The following NETO1 variants were observed in gnomAD, a reference collection of about 807,000 sequenced individuals.
NETO1 encodes the protein neuropilin and tolloid-like protein 1.
In NETO1, 26 loss-of-function variants were observed where a neutral mutation model predicts 61.3. That is an observed-to-expected ratio of 0.42 (90% confidence interval 0.31 to 0.59). The LOEUF is 0.59. Among genes scored for constraint, NETO1 ranks in the 20% least tolerant of loss-of-function variants. The probability of loss-of-function intolerance (pLI) is 0.12; values close to 1 mark genes in which losing one functional copy is unlikely to be tolerated. For missense variants in NETO1, 531 were observed against 662.8 expected, an observed-to-expected ratio of 0.80 and a Z score of 2.18; for synonymous variants, 225 against 225.8, an observed-to-expected ratio of 1.00 and a Z score of 0.03.
At chr18:72,797,445 A>T (rs2072355074) in intron 4 of NETO1, among the ~76,000 whole-genome samples, 1 of 152,228 alleles carries the variant, frequency 6.6e-6, no homozygotes, top group South Asian at 2.1e-4. Flanking sequence ...CTGCAAAAAC[A>T]AACAAATAAA....
Position 72,816,108 on chromosome 18 carries a change from C to A in NETO1, c.470-21704G>T, listed in dbSNP as rs1191468177. Among the ~76,000 whole-genome samples the A allele has an allele frequency of 9.2e-5, 14 of 151,934 alleles. 1 individual carries two copies. The highest frequency in any genetic ancestry group is 9.2e-4 in the Admixed American group (14 of 15,248). The stretch of plus-strand genomic sequence containing the variant: ...TTCTCTCCCCCTCTCCTCCACCCCT[C>A]CCCCTGCAATTCTCTATCTCTCCAG... On this transcript the variant is annotated intron_variant, in intron 4 of 10. Coordinates refer to ENST00000327305, the MANE Select transcript of NETO1 (RefSeq NM_138966.5).
chr18:72,838,879 C>G (rs1056302612), intron 4 of NETO1, among the ~76,000 whole-genome samples: 1 of 152,110 alleles, frequency 6.6e-6, no homozygotes, highest in Admixed American at 6.6e-5. Context: ...ACCTATTTCT[C>G]TCAACCGTAA....
chr18:72,775,690 T>C (rs2071523648), intron 7 of NETO1, among the ~76,000 whole-genome samples: 1 of 152,190 alleles, frequency 6.6e-6, no homozygotes, highest in Non-Finnish European at 1.5e-5. Context: ...CTTTAGAGCA[T>C]TCGAGCTCTG....
At chr18:72,766,671 C>T (rs1033328044) in intron 7 of NETO1, among the ~76,000 whole-genome samples, 3 of 152,132 alleles carry the variant, frequency 2.0e-5, no homozygotes, top group African/African-American at 7.2e-5. Flanking sequence ...TGATCTCACA[C>T]ATATTTATGA....
chr18:72,816,601 C>T (rs781458934), intron 4 of NETO1, among the ~76,000 whole-genome samples: 1 of 152,116 alleles, frequency 6.6e-6, no homozygotes, highest in Non-Finnish European at 1.5e-5. Context: ...GAGAACCTCT[C>T]CAGGCAGCAG....
At chr18:72,759,157 C>T (rs947497447) in intron 7 of NETO1, among the ~76,000 whole-genome samples, 1 of 152,160 alleles carries the variant, frequency 6.6e-6, no homozygotes, top group African/African-American at 2.4e-5. Flanking sequence ...TCCTAGCACA[C>T]TCCTGACCTA....
chr18:72,751,441 C>G (rs1308717725), intron 8 of NETO1, among the ~76,000 whole-genome samples: 1 of 152,156 alleles, frequency 6.6e-6, no homozygotes, highest in Non-Finnish European at 1.5e-5. Context: ...CCCTGCAGCT[C>G]CCAGTTAAGT....
At chr18:72,755,426 C>A (rs1056755734) in intron 8 of NETO1, among the ~76,000 whole-genome samples, 7 of 152,110 alleles carry the variant, frequency 4.6e-5, no homozygotes, top group African/African-American at 1.7e-4. Flanking sequence ...AAATACTTCA[C>A]ATGGCAGTTT....
chr18:72,768,987 T>G (rs1599129553), intron 7 of NETO1, among the ~76,000 whole-genome samples: 1 of 152,202 alleles, frequency 6.6e-6, no homozygotes, highest in African/African-American at 2.4e-5. Context: ...AATCTGACTT[T>G]GACTAACCAG....
intron 4 of NETO1, among the ~76,000 whole-genome samples, chr18:72,841,421 C>T (rs2073926652): frequency 9.5e-5 from 1 of 10,488 alleles, no homozygotes; most frequent in Admixed American, 7.4e-4. Flanking sequence ...GAGCAATTGG[C>T]AGAGAAATCA....
intron 7 of NETO1, among the ~76,000 whole-genome samples, chr18:72,758,211 T>C (rs1441797286): frequency 6.6e-6 from 1 of 152,164 alleles, no homozygotes; most frequent in East Asian, 1.9e-4. Context: ...TGTGAAACTA[T>C]CAATGTTCCA....
intron 7 of NETO1, among the ~76,000 whole-genome samples, chr18:72,767,544 A>T (rs2145160784): frequency 6.6e-6 from 1 of 152,362 alleles, no homozygotes; most frequent in Non-Finnish European, 1.5e-5. Flanking sequence ...TAAGAAAATT[A>T]ACTTTAAATT....
intron 4 of NETO1, among the ~76,000 whole-genome samples, chr18:72,808,202 CT>C (rs2072742209): frequency 6.6e-6 from 1 of 152,202 alleles, no homozygotes; most frequent in African/African-American, 2.4e-5. Context: ...ACAGAAGGTT[CT>C]GGAGCTGATG....
intron 7 of NETO1, among the ~76,000 whole-genome samples, chr18:72,771,254 T>A: frequency 6.6e-6 from 1 of 152,176 alleles, no homozygotes; most frequent in Non-Finnish European, 1.5e-5. Flanking sequence ...ATAAAATCAA[T>A]CACTGTGTCA....
Position 72,750,872 on chromosome 18 carries a change from TACACACACAC to T in NETO1, c.983-262_983-253del, listed in dbSNP as rs142668353. ...CATTGCCCAGCATCTCAGCTTAAAA[TACACACACAC>T]ACACACACACACACACACACACACA... On this transcript the variant is annotated intron_variant, in intron 8 of 10. Coordinates refer to ENST00000327305, the MANE Select transcript of NETO1 (RefSeq NM_138966.5). Among the ~76,000 whole-genome samples the T allele has an allele frequency of 4.6e-3, 541 of 118,760 alleles. 1 individual carries two copies. The highest frequency in any genetic ancestry group is 0.016 in the African/African-American group (479 of 30,088). The allele number at this position is 118,760 out of a possible 152,430, so 77.9% of individuals were successfully genotyped here.
chr18:72,847,793 T>C (rs8097592), intron 4 of NETO1, among the ~76,000 whole-genome samples: 6,773 of 152,238 alleles, frequency 0.044, 518 homozygotes, highest in African/African-American at 0.16. Flanking sequence ...ATGTTCTCCA[T>C]CCATCCACCA....
At chr18:72,743,009 T>C (rs1182287977), downstream of NETO1, among the ~76,000 whole-genome samples, 1 of 152,154 alleles carries the variant, frequency 6.6e-6, no homozygotes, top group Non-Finnish European at 1.5e-5. Context: ...TTCTACACTG[T>C]TTTGATTCTA....
intron 7 of NETO1, among the ~76,000 whole-genome samples, chr18:72,782,178 A>G (rs2071764283): frequency 6.6e-6 from 1 of 152,166 alleles, no homozygotes; most frequent in South Asian, 2.1e-4. Context: ...AGTACATGGT[A>G]TCATTCTTTT....
At chr18:72,838,092 C>T (rs1274378792) in intron 4 of NETO1, among the ~76,000 whole-genome samples, 6 of 152,236 alleles carry the variant, frequency 3.9e-5, no homozygotes, top group Non-Finnish European at 8.8e-5. Context: ...ACAGGTATCT[C>T]TATGAGAGAC....
Sources: allele counts gnomAD v4.1 joint callset (sites outside exome capture counted in the v4.1 genomes callset), GRCh38; gene constraint gnomAD v4.1.1; transcripts MANE v1.5; gene names NCBI Gene and HGNC (gene_info 2026-07-23, HGNC 2026-07-21).